Variants in RNLS observed in about 807,000 individuals in gnomAD.
RNLS encodes renalase.
A neutral mutation model predicts 39.8 loss-of-function variants in RNLS; 39 were observed. The ratio of observed to expected loss-of-function variants is 0.98; its 90% CI spans 0.76 to 1.28. The LOEUF (loss-of-function observed/expected upper bound fraction) is 1.28. RNLS is among the 50% of genes most tolerant of loss of function. The pLI, the probability that RNLS is intolerant of heterozygous loss-of-function variation, is 0.00. For synonymous variants in RNLS, 147 were observed against 150.7 expected, an observed-to-expected ratio of 0.98 and a Z score of 0.18; for missense variants, 410 against 413.3, an observed-to-expected ratio of 0.99 and a Z score of 0.07.
At chr10:88,247,019 A>G in the RNLS span, among the ~76,000 whole-genome samples, 2 of 152,192 alleles carry the variant, frequency 1.3e-5, no homozygotes, top group African/African-American at 4.8e-5. Context: ...TTTGTTATGA[A>G]TCACGGTGAG....
At chr10:88,179,839 C>G in the RNLS span, among the ~76,000 whole-genome samples, 5 of 152,336 alleles carry the variant, frequency 3.3e-5, no homozygotes, top group Non-Finnish European at 7.4e-5. Flanking sequence ...ATTAAATCCA[C>G]ATTTGGAGAC....
At chr10:88,273,010 G>C (rs1842690889), downstream of RNLS, among the ~76,000 whole-genome samples, 1 of 152,128 alleles carries the variant, frequency 6.6e-6, no homozygotes, top group African/African-American at 2.4e-5. Flanking sequence ...TGATGCTGTG[G>C]CCCAGCCAGG....
chr10:88,457,380 C>T (rs1842689979), intron 4 of RNLS, among the ~76,000 whole-genome samples: 1 of 152,164 alleles, frequency 6.6e-6, no homozygotes, highest in African/African-American at 2.4e-5. Context: ...AAGCACTGGT[C>T]CACCTCAGTG....
At chr10:88,208,082 A>G in the RNLS span, among the ~76,000 whole-genome samples, 2 of 152,120 alleles carry the variant, frequency 1.3e-5, no homozygotes, top group Non-Finnish European at 2.9e-5. Flanking sequence ...AATGTCCCTC[A>G]AACTCTGGTG....
At chr10:88,387,586 C>T (rs975604184) in intron 4 of RNLS, among the ~76,000 whole-genome samples, 1 of 148,020 alleles carries the variant, frequency 6.8e-6, no homozygotes, top group East Asian at 2.0e-4. Context: ...AGCCTATTTA[C>T]GTAACTGCTT....
At chr10:88,478,263 G>A (rs1261609026) in intron 4 of RNLS, among the ~76,000 whole-genome samples, 1 of 152,038 alleles carries the variant, frequency 6.6e-6, no homozygotes, top group African/African-American at 2.4e-5. Flanking sequence ...TTGAAAACGC[G>A]AGCCCATCTG....
At chr10:88,326,759 A>G (rs752764736) in intron 5 of RNLS, among the ~76,000 whole-genome samples, 12 of 152,216 alleles carry the variant, frequency 7.9e-5, no homozygotes, top group Admixed American at 2.0e-4. Flanking sequence ...GGCAGCTTGC[A>G]CCATGCAGCT....
At chr10:88,207,794 G>C in the RNLS span, among the ~76,000 whole-genome samples, 1 of 152,210 alleles carries the variant, frequency 6.6e-6, no homozygotes, top group Middle Eastern at 3.4e-3. Flanking sequence ...CAGGGCCTCT[G>C]GACAAGTCCA....
At chr10:88,406,686 C>T (rs1853295915) in intron 4 of RNLS, among the ~76,000 whole-genome samples, 1 of 152,020 alleles carries the variant, frequency 6.6e-6, no homozygotes, top group Admixed American at 6.6e-5. Context: ...TCATTTGATC[C>T]AGCAATCCCA....
the RNLS span, among the ~76,000 whole-genome samples, chr10:88,203,438 G>GTATGTGTATATATATATATA: frequency 5.0e-4 from 1 of 2,018 alleles, no homozygotes; most frequent in Non-Finnish European, 8.4e-4. Context: ...ATATATATAC[G>GTATGTGTATATATATATATA]TGTGTGTGTG....
chr10:88,537,419 C>T lies in RNLS; in HGVS notation c.526+35484G>A, dbSNP rs538721154. Among the ~76,000 whole-genome samples the T allele has an allele frequency of 4.4e-4, 67 of 152,228 alleles. 1 individual carries two copies. The highest frequency in any genetic ancestry group is 3.7e-3 in the South Asian group (18 of 4,826). On this transcript the variant is annotated intron_variant, in intron 4 of 6. Coordinates refer to ENST00000331772, the MANE Select transcript of RNLS (RefSeq NM_001031709.3). ...AAATGTACAAGAATGTTCACAGGAG[C>T]GCTATTTATAATAGTACAGACTGGA...
At chr10:88,341,226 G>C (rs1847933387) in intron 5 of RNLS, among the ~76,000 whole-genome samples, 1 of 151,454 alleles carries the variant, frequency 6.6e-6, no homozygotes, top group Admixed American at 6.6e-5. Flanking sequence ...CTACTTGGGA[G>C]GCTGAGGCAG....
chr10:88,432,391 C>G (rs1855186300), intron 4 of RNLS, among the ~76,000 whole-genome samples: 1 of 151,722 alleles, frequency 6.6e-6, no homozygotes, highest in Non-Finnish European at 1.5e-5. Flanking sequence ...ATAGTTATGT[C>G]CTGATTTTAA....
the RNLS span, among the ~76,000 whole-genome samples, chr10:88,196,360 C>A: frequency 6.6e-6 from 1 of 152,224 alleles, no homozygotes; most frequent in East Asian, 1.9e-4. Context: ...TCTATCTATT[C>A]TATTCCCTCT....
chr10:88,263,924 A>G, the RNLS span, among the ~76,000 whole-genome samples: 2 of 152,246 alleles, frequency 1.3e-5, no homozygotes, highest in South Asian at 4.2e-4. Flanking sequence ...CTCATACCCA[A>G]GCAGTATACA....
the RNLS span, among the ~76,000 whole-genome samples, chr10:88,184,133 A>T: frequency 1.3e-5 from 2 of 152,098 alleles, no homozygotes; most frequent in Non-Finnish European, 2.9e-5. Context: ...AATTTGAAAT[A>T]GGTGTTCTTC....
chr10:88,371,138 C>T (rs1012015569), intron 4 of RNLS, among the ~76,000 whole-genome samples: 7 of 152,040 alleles, frequency 4.6e-5, no homozygotes, highest in South Asian at 2.1e-4. Flanking sequence ...CATCTGTTTT[C>T]CTGTAAAATA....
intron 4 of RNLS, among the ~76,000 whole-genome samples, chr10:88,519,318 T>C (rs1019539629): frequency 6.6e-6 from 1 of 151,978 alleles, no homozygotes; most frequent in Non-Finnish European, 1.5e-5. Context: ...GTTTCATATA[T>C]ATATTGCCTC....
At chr10:88,388,170 A>C (rs1015093334) in intron 4 of RNLS, among the ~76,000 whole-genome samples, 3 of 152,192 alleles carry the variant, frequency 2.0e-5, no homozygotes, top group African/African-American at 7.2e-5. Context: ...AGAACCTGTA[A>C]GTCATCTTTG....
Sources: allele counts gnomAD v4.1 joint callset (sites outside exome capture counted in the v4.1 genomes callset), GRCh38; gene constraint gnomAD v4.1.1; transcripts MANE v1.5; gene names NCBI Gene and HGNC (gene_info 2026-07-23, HGNC 2026-07-21).